Variants in AGFG1 observed in about 807,000 individuals in gnomAD.
The protein encoded by AGFG1 is arf-GAP domain and FG repeat-containing protein 1.
Under a neutral mutation model 60.6 loss-of-function variants are expected in AGFG1, and 10 were observed. The ratio of observed to expected loss-of-function variants is 0.16; its 90% CI spans 0.10 to 0.28. The LOEUF (loss-of-function observed/expected upper bound fraction) is 0.28, where lower values mean the gene tolerates loss of function less well. Among genes scored for constraint, AGFG1 ranks in the 10% least tolerant of loss-of-function variants. AGFG1 has a pLI of 1.00. For missense variants in AGFG1, 537 were observed against 676.5 expected (o/e 0.79, Z 2.29); for synonymous variants, 247 against 242.9 (o/e 1.02, Z -0.16).
chr2:227,497,723 C>CTTGTTTTT (rs1559173411), intron 2 of AGFG1, among the ~76,000 whole-genome samples: 2 of 80,300 alleles, frequency 2.5e-5, no homozygotes, highest in Non-Finnish European at 2.5e-5. Flanking sequence ...AAATGAGTTT[C>CTTGTTTTT]TTTCTTGTTT....
Position 227,557,187 on chromosome 2 carries a change from T to C in AGFG1, c.*2692T>C, listed in dbSNP as rs1692995897. The C allele has an allele frequency of 6.6e-6, 1 of 152,204 alleles. No individual in the cohort carries two copies. The highest frequency in any genetic ancestry group is 1.5e-5 in the Non-Finnish European group (1 of 68,034). The allele number at this position is 152,204 out of a possible 1,614,324, so 9.4% of individuals were successfully genotyped here. A position where few individuals can be genotyped will look rare whatever the true frequency, so the allele number is the denominator to read the frequency against. On this transcript the variant is annotated 3_prime_UTR_variant, in exon 13 of 13. Transcript: ENST00000310078. ...TTTCCTGTTCAGGTATCTGCAGATA[T>C]CCCTGTTCAGGAAAGATCTTTTTTC...
At position 227,551,956 on chromosome 2, in the gene AGFG1, C is replaced by T; in HGVS notation, c.1379-3C>T. 1.2e-6 allele frequency: 2 copies of T among 1,613,502 alleles called. No homozygotes were observed. Among genetic ancestry groups the T allele is most frequent in the South Asian group, 2.2e-5 (2 of 90,928 alleles). Reference sequence around the variant, plus strand: ...TAACTGATCAGCCCTTCTCTTCTGTCAGCGGCAACCTTTGGCACTGCATCC... The same window carrying T: ...TAACTGATCAGCCCTTCTCTTCTGTTAGCGGCAACCTTTGGCACTGCATCC... On this transcript the variant is annotated splice_polypyrimidine_tract_variant and splice_region_variant and intron_variant, in intron 10 of 12. Transcript: ENST00000310078.
At position 227,472,380 on chromosome 2, in the gene AGFG1, C is replaced by T. The variant is rs766923721; in HGVS notation, c.-42C>T. ...CGCGGGCCCCCGGCGCAGCGCTGCC[C>T]GGCTCCCGGCCCTGCCGGCCTCCTC... On this transcript the variant is annotated 5_prime_UTR_variant, in exon 1 of 13. Transcript: ENST00000310078. The T allele has an allele frequency of 3.9e-6, 5 of 1,274,412 alleles. No individual in the cohort carries two copies. The highest frequency in any genetic ancestry group is 1.7e-5 in the South Asian group (1 of 60,210). The allele number at this position is 1,274,412 out of a possible 1,614,324, so 78.9% of individuals were successfully genotyped here.
chr2:227,503,444 T>A (rs984410538), intron 2 of AGFG1, among the ~76,000 whole-genome samples: 2 of 152,194 alleles, frequency 1.3e-5, no homozygotes, highest in Non-Finnish European at 2.9e-5. Flanking sequence ...GGGTCAGGGG[T>A]TGACCAACTA....
At chr2:227,512,621 A>G (rs1691527938) in intron 2 of AGFG1, among the ~76,000 whole-genome samples, 1 of 152,180 alleles carries the variant, frequency 6.6e-6, no homozygotes, top group African/African-American at 2.4e-5. Context: ...AGAATTTTGT[A>G]TAGGTCCACG....
chr2:227,498,753 A>C lies in AGFG1; in HGVS notation c.261+7113A>C, dbSNP rs780755510. ...CAGAAAACCCAGAGATTTATAGAAG[A>C]AGCTAGATGTTGTTTGTAACTACTC... On this transcript the variant is annotated intron_variant, in intron 2 of 12. Coordinates refer to ENST00000310078, the MANE Select transcript of AGFG1 (RefSeq NM_004504.5). Among the ~76,000 whole-genome samples, 69 of 152,198 alleles carry C rather than the reference A, an allele frequency of 4.5e-4. 2 individuals carry two copies. Among genetic ancestry groups the C allele is most frequent in the Admixed American group, 2.6e-4 (4 of 15,286 alleles).
chr2:227,548,270 G>GGTT (rs1464387214), intron 10 of AGFG1, among the ~76,000 whole-genome samples: 6 of 152,156 alleles, frequency 3.9e-5, no homozygotes, highest in Non-Finnish European at 8.8e-5. Flanking sequence ...TTCTGATGGT[G>GGTT]GTTGTACATC....
At chr2:227,513,243 T>C (rs1481642703) in intron 2 of AGFG1, among the ~76,000 whole-genome samples, 1 of 152,230 alleles carries the variant, frequency 6.6e-6, no homozygotes, top group Non-Finnish European at 1.5e-5. Context: ...TATATATTTA[T>C]TATCATGAGT....
chr2:227,508,237 C>T (rs1309922522), intron 2 of AGFG1: 1 of 156,016 alleles, frequency 6.4e-6, no homozygotes, highest in Non-Finnish European at 1.4e-5. Context: ...GACAACAAGA[C>T]AATAGAGTAT....
At chr2:227,493,538 A>G (rs1175899944) in intron 2 of AGFG1, among the ~76,000 whole-genome samples, 1 of 152,208 alleles carries the variant, frequency 6.6e-6, no homozygotes, top group African/African-American at 2.4e-5. Context: ...AGAGTATATA[A>G]AAAGAATTAG....
In AGFG1 at chr2:227,519,925, T is replaced by C. The variant is rs201911317; in HGVS notation, c.262-23T>C. 4.3e-6 allele frequency: 6 copies of C among 1,411,464 alleles called. 1 individual carries two copies. In the South Asian group the frequency reaches 6.2e-5, roughly 15 times the overall value. 87.4% of individuals were successfully genotyped at this position (1,411,464 alleles called of 1,614,324 possible). On this transcript the variant is annotated intron_variant, in intron 2 of 12. Coordinates refer to ENST00000310078, the MANE Select transcript of AGFG1 (RefSeq NM_004504.5). The stretch of plus-strand genomic sequence containing the variant: ...AAGTGAAGATGTTGAATTTAACATA[T>C]ATTTTTTTAATTCTTTCCAAAGGTC...
intron 10 of AGFG1, among the ~76,000 whole-genome samples, chr2:227,551,561 A>T (rs1319039598): frequency 6.6e-6 from 1 of 152,168 alleles, no homozygotes; most frequent in Non-Finnish European, 1.5e-5. Context: ...ACTTCAGGAG[A>T]TAAAATTTTG....
At chr2:227,537,929 T>A (rs187520089) in intron 10 of AGFG1, among the ~76,000 whole-genome samples, 1 of 152,252 alleles carries the variant, frequency 6.6e-6, no homozygotes. Context: ...GTATTAGGAG[T>A]TTGAGCTGTA....
intron 1 of AGFG1, among the ~76,000 whole-genome samples, chr2:227,476,744 G>A (rs1478451105): frequency 2.0e-5 from 3 of 152,090 alleles, no homozygotes; most frequent in Admixed American, 2.0e-4. Context: ...ATGCTCTTTT[G>A]GAGCTCTGTG....
At chr2:227,513,022 CT>C (rs1691540558) in intron 2 of AGFG1, among the ~76,000 whole-genome samples, 1 of 152,038 alleles carries the variant, frequency 6.6e-6, no homozygotes, top group Admixed American at 6.5e-5. Flanking sequence ...GTGGTTTATT[CT>C]TTTTATCCTT....
At chr2:227,475,698 G>C (rs1348396564) in intron 1 of AGFG1, among the ~76,000 whole-genome samples, 1 of 152,180 alleles carries the variant, frequency 6.6e-6, no homozygotes. Flanking sequence ...ACTACATGCA[G>C]ATTGGCCCAG....
intron 10 of AGFG1, among the ~76,000 whole-genome samples, chr2:227,539,152 A>C (rs556925808): frequency 6.6e-6 from 1 of 152,076 alleles, no homozygotes; most frequent in African/African-American, 2.4e-5. Context: ...CTTCAAATAC[A>C]TTAACACTGG....
intron 10 of AGFG1, among the ~76,000 whole-genome samples, chr2:227,537,504 A>G (rs1272408201): frequency 1.3e-5 from 2 of 152,094 alleles, no homozygotes; most frequent in Non-Finnish European, 2.9e-5. Context: ...AGTTGTGGAA[A>G]CTTGATTCAG....
At chr2:227,533,843 T>A in intron 7 of AGFG1, 85 bp downstream of exon 7, 1 of 1,241,076 alleles carries the variant, frequency 8.1e-7, no homozygotes, top group Non-Finnish European at 1.1e-6. Flanking sequence ...CTGAACATGC[T>A]ACACTTTTCT....
Sources: gnomAD v4.1 joint callset for allele counts (sites outside exome capture counted in the v4.1 genomes callset) on GRCh38, gnomAD v4.1.1 for gene constraint, MANE v1.5 for transcripts, NCBI Gene and HGNC (gene_info 2026-07-23, HGNC 2026-07-21) for gene names.